The following FRS2 variants were observed in gnomAD, a reference collection of about 807,000 sequenced individuals.
FRS2 encodes fibroblast growth factor receptor substrate 2.
FRS2 carries 8 observed loss-of-function variants against 43.9 expected under a neutral mutation model. The observed-to-expected ratio is 0.18, with a 90% CI of 0.11 to 0.33. The LOEUF is 0.33. FRS2 is among the 10% of genes least tolerant of loss of function. FRS2 has a pLI of 1.00. For synonymous variants in FRS2, 219 were observed against 220.3 expected (o/e 0.99, Z 0.05); for missense variants, 534 against 627.6 (o/e 0.85, Z 1.59).
At position 69,572,212 on chromosome 12, in the gene FRS2, T is replaced by C; in HGVS notation, c.507T>C (p.Ser169=). The C allele has an allele frequency of 1.2e-6, 2 of 1,613,748 alleles. No individual in the cohort carries two copies. Among genetic ancestry groups the C allele is most frequent in the Non-Finnish European group, 1.7e-6 (2 of 1,179,628 alleles). ...ASSHPSSRHP[S]VGSARLPSVG... is the part of the protein sequence containing the mutation. ...CCCATCCGTCAAGCAGACATCCTTC[T>C]GTGGGAAGTGCTCGCCTGCCTTCAG... The change falls in exon 8 of 9, where the codon TCT becomes TCC. Residue 169 remains serine, a synonymous_variant. Coordinates refer to ENST00000549921, the MANE Select transcript of FRS2 (RefSeq NM_001278356.2).
At position 69,575,089 on chromosome 12, in the gene FRS2, T is replaced by A. The variant is rs770270705; in HGVS notation, c.*134T>A. The A allele has an allele frequency of 3.2e-6, 2 of 615,448 alleles. No individual in the cohort carries two copies. Among genetic ancestry groups the A allele is most frequent in the Non-Finnish European group, 5.7e-6 (2 of 347,866 alleles). 38.1% of individuals were successfully genotyped at this position (615,448 alleles called of 1,614,324 possible). A position where few individuals can be genotyped will look rare whatever the true frequency, so the allele number is the denominator to read the frequency against. On this transcript the variant is annotated 3_prime_UTR_variant, in exon 9 of 9. Transcript: ENST00000549921. ...TTTTTTTCTGAATATTTCATGTGCA[T>A]CTTTAACTAAAGGGAATTAATGTAG...
chr12:69,527,862 G>A (rs1018832954), intron 1 of FRS2, among the ~76,000 whole-genome samples: 1 of 152,178 alleles, frequency 6.6e-6, no homozygotes, highest in Non-Finnish European at 1.5e-5. Flanking sequence ...AAACAAAGCA[G>A]ATTTGAACAT....
At chr12:69,507,815 G>A (rs547540064) in intron 1 of FRS2, among the ~76,000 whole-genome samples, 23 of 151,980 alleles carry the variant, frequency 1.5e-4, no homozygotes, top group East Asian at 7.7e-4. Flanking sequence ...ACCTTAGGTC[G>A]AAAGTTCAAG....
intron 1 of FRS2, among the ~76,000 whole-genome samples, chr12:69,491,062 G>A (rs1377847364): frequency 6.6e-6 from 1 of 152,268 alleles, no homozygotes; most frequent in East Asian, 1.9e-4. Flanking sequence ...GGCAGTTCCT[G>A]TTTATAGCAC....
chr12:69,532,627 C>T (rs1022112810), intron 3 of FRS2, among the ~76,000 whole-genome samples: 1 of 152,150 alleles, frequency 6.6e-6, no homozygotes, highest in Non-Finnish European at 1.5e-5. Flanking sequence ...GGTCCCGTCT[C>T]TTAATACTAT....
At chr12:69,508,786 G>C (rs1324759937) in intron 1 of FRS2, among the ~76,000 whole-genome samples, 1 of 152,004 alleles carries the variant, frequency 6.6e-6, no homozygotes, top group Non-Finnish European at 1.5e-5. Context: ...TTTTTGTTGG[G>C]TTTTCATTTT....
intron 1 of FRS2, among the ~76,000 whole-genome samples, chr12:69,528,139 C>T (rs1018801718): frequency 1.3e-5 from 2 of 152,168 alleles, no homozygotes; most frequent in Admixed American, 1.3e-4. Flanking sequence ...TTCTCTGTCC[C>T]CTGGCTATCT....
chr12:69,500,427 T>A (rs1442591105), intron 1 of FRS2, among the ~76,000 whole-genome samples: 1 of 152,188 alleles, frequency 6.6e-6, no homozygotes, highest in Non-Finnish European at 1.5e-5. Flanking sequence ...AGAGAGGAAT[T>A]GATAAAATAC....
chr12:69,521,599 G>GTTTTGTT (rs752378134), intron 1 of FRS2, among the ~76,000 whole-genome samples: 10 of 151,928 alleles, frequency 6.6e-5, no homozygotes, highest in South Asian at 4.2e-4. Context: ...TTTGTTGAGA[G>GTTTTGTT]TTTTGTTTTT....
chr12:69,534,247 G>GT (rs1267756261), intron 3 of FRS2, among the ~76,000 whole-genome samples: 2 of 152,102 alleles, frequency 1.3e-5, no homozygotes, highest in African/African-American at 4.8e-5. Context: ...AATGTGGATT[G>GT]TTTTATAGTT....
chr12:69,555,696 C>T (rs1215199075), intron 3 of FRS2, among the ~76,000 whole-genome samples: 40 of 152,074 alleles, frequency 2.6e-4, no homozygotes, highest in Admixed American at 2.6e-3. Context: ...TGAGTGTGCA[C>T]GTGTTTTGGT....
chr12:69,528,804 A>G (rs1876510735), intron 1 of FRS2, among the ~76,000 whole-genome samples: 1 of 152,240 alleles, frequency 6.6e-6, no homozygotes, highest in African/African-American at 2.4e-5. Context: ...GATTTCTTTG[A>G]TGAGATGACT....
At chr12:69,555,081 G>A (rs974535521) in intron 3 of FRS2, among the ~76,000 whole-genome samples, 42 of 151,240 alleles carry the variant, frequency 2.8e-4, no homozygotes, top group African/African-American at 9.5e-4. Flanking sequence ...GAGTCTCACT[G>A]TCACCCAGGC....
chr12:69,518,375 T>C (rs1442427423), intron 1 of FRS2, among the ~76,000 whole-genome samples: 1 of 151,626 alleles, frequency 6.6e-6, no homozygotes, highest in Admixed American at 6.6e-5. Context: ...ATGAAGATAG[T>C]GTTTTCCTTC....
chr12:69,522,807 C>T (rs1382647511), intron 1 of FRS2, among the ~76,000 whole-genome samples: 2 of 152,188 alleles, frequency 1.3e-5, no homozygotes, highest in African/African-American at 4.8e-5. Context: ...TCATTAGTTT[C>T]AAATAATTTC....
intron 1 of FRS2, among the ~76,000 whole-genome samples, chr12:69,482,510 A>G (rs1490238351): frequency 1.3e-5 from 2 of 152,176 alleles, no homozygotes; most frequent in Non-Finnish European, 2.9e-5. Context: ...TCATCCATTG[A>G]CTGACTGAGT....
intron 1 of FRS2, among the ~76,000 whole-genome samples, chr12:69,498,295 T>C (rs1359390558): frequency 6.6e-6 from 1 of 152,132 alleles, no homozygotes; most frequent in Non-Finnish European, 1.5e-5. Context: ...GGGATAAAAG[T>C]ATAAGGCACA....
At chr12:69,542,382 A>C (rs905701796) in intron 3 of FRS2, among the ~76,000 whole-genome samples, 29 of 152,328 alleles carry the variant, frequency 1.9e-4, no homozygotes, top group African/African-American at 6.7e-4. Flanking sequence ...TTTGAAATAG[A>C]AAGCAGTATA....
At position 69,547,702 on chromosome 12, in the gene FRS2, C is replaced by T. The variant is rs149946398; in HGVS notation, c.-121-14478C>T. Among the ~76,000 whole-genome samples the T allele has an allele frequency of 5.9e-5, 9 of 152,122 alleles. No individual in the cohort carries two copies. In the South Asian group the frequency reaches 6.2e-4, roughly 11 times the overall value. Reference sequence around the variant, plus strand: ...TGTATGTGTAGTTCTTGGAATGTTCCGAACCAGTTGTAACATGTTACTAAT... The same window carrying T: ...TGTATGTGTAGTTCTTGGAATGTTCTGAACCAGTTGTAACATGTTACTAAT... On this transcript the variant is annotated intron_variant, in intron 3 of 8. Transcript: ENST00000549921.
Sources: gnomAD v4.1 joint callset for allele counts (sites outside exome capture counted in the v4.1 genomes callset) on GRCh38, gnomAD v4.1.1 for gene constraint, MANE v1.5 for transcripts, NCBI Gene and HGNC (gene_info 2026-07-23, HGNC 2026-07-21) for gene names.